The following SLC25A26 variants were observed in gnomAD, a reference collection of about 807,000 sequenced individuals.
SLC25A26 encodes solute carrier family 25 member 26, also known as mitochondrial S-adenosylmethionine carrier protein.
Under a neutral mutation model 37.8 loss-of-function variants are expected in SLC25A26, and 36 were observed. That is an observed-to-expected ratio of 0.95 (90% CI 0.73 to 1.26). The LOEUF is 1.26. Among genes scored for constraint, SLC25A26 ranks in the 50% most tolerant of loss-of-function variants. The pLI, the probability that SLC25A26 is intolerant of heterozygous loss-of-function variation, is 0.00. For missense variants in SLC25A26, 390 were observed against 331.1 expected, an observed-to-expected ratio of 1.18 and a Z score of -1.38; for synonymous variants, 129 against 122.5, an observed-to-expected ratio of 1.05 and a Z score of -0.35.
intron 5 of SLC25A26, among the ~76,000 whole-genome samples, chr3:66,333,433 T>C (rs1358330267): frequency 6.6e-6 from 1 of 152,206 alleles, no homozygotes; most frequent in Admixed American, 6.5e-5. Context: ...TAATCTACTA[T>C]ATGGTTTATT....
intron 1 of SLC25A26, among the ~76,000 whole-genome samples, chr3:66,210,148 T>C (rs1022617544): frequency 6.7e-6 from 1 of 149,442 alleles, no homozygotes; most frequent in African/African-American, 2.5e-5. Flanking sequence ...ATTCCAGCAA[T>C]TGAGCCTATA....
chr3:66,271,663 G>A (rs1000150012), intron 5 of SLC25A26, among the ~76,000 whole-genome samples: 2 of 152,068 alleles, frequency 1.3e-5, no homozygotes, highest in Admixed American at 6.6e-5. Flanking sequence ...TGGTACTACC[G>A]TTACTGAGTC....
chr3:66,211,055 T>C (rs2071278502), intron 1 of SLC25A26, among the ~76,000 whole-genome samples: 1 of 152,184 alleles, frequency 6.6e-6, no homozygotes, highest in Non-Finnish European at 1.5e-5. Context: ...CATGTCCTCT[T>C]GTAATTATTT....
intron 5 of SLC25A26, among the ~76,000 whole-genome samples, chr3:66,306,447 C>T (rs2075224316): frequency 1.3e-5 from 2 of 152,102 alleles, no homozygotes; most frequent in South Asian, 4.1e-4. Context: ...CCTTTGCCCA[C>T]TTTTTAATAG....
chr3:66,237,031 T>C (rs974687548), intron 2 of SLC25A26, among the ~76,000 whole-genome samples: 2 of 152,080 alleles, frequency 1.3e-5, no homozygotes, highest in Non-Finnish European at 2.9e-5. Flanking sequence ...GAGAATGGGT[T>C]TTGCCATGTT....
intron 1 of SLC25A26, among the ~76,000 whole-genome samples, chr3:66,160,732 C>T (rs978311583): frequency 1.3e-5 from 2 of 152,164 alleles, no homozygotes; most frequent in East Asian, 1.9e-4. Flanking sequence ...GTCAGGGGTT[C>T]GAGACCAGCC....
intron 1 of SLC25A26, among the ~76,000 whole-genome samples, chr3:66,174,716 G>A (rs191456643): frequency 3.4e-4 from 51 of 151,726 alleles, no homozygotes; most frequent in African/African-American, 1.2e-3. Flanking sequence ...AACCCGGGAG[G>A]TGGAGCTTGC....
intron 1 of SLC25A26, among the ~76,000 whole-genome samples, chr3:66,172,079 A>C (rs2070507789): frequency 6.6e-6 from 1 of 152,162 alleles, no homozygotes; most frequent in African/African-American, 2.4e-5. Flanking sequence ...GAGGAATCTT[A>C]TGTAGCAAAT....
chr3:66,221,971 A>G (rs932531772), intron 1 of SLC25A26, among the ~76,000 whole-genome samples: 2 of 151,996 alleles, frequency 1.3e-5, no homozygotes, highest in Non-Finnish European at 2.9e-5. Context: ...CATGGTGAAC[A>G]AGATAGACCT....
intron 9 of SLC25A26, among the ~76,000 whole-genome samples, chr3:66,372,675 G>C (rs565274085): frequency 6.8e-4 from 103 of 152,134 alleles, no homozygotes; most frequent in Non-Finnish European, 1.2e-3. Context: ...CGTCACTTAA[G>C]GGAGTTTTGA....
At chr3:66,284,365 C>G (rs2074440324) in intron 5 of SLC25A26, among the ~76,000 whole-genome samples, 1 of 152,214 alleles carries the variant, frequency 6.6e-6, no homozygotes, top group Admixed American at 6.5e-5. Context: ...AGTGCTGGAA[C>G]TCTAATCCAT....
intron 2 of SLC25A26, 53 bp downstream of exon 2, chr3:66,236,753 G>A (rs2072310588): frequency 1.4e-6 from 2 of 1,398,568 alleles, no homozygotes; most frequent in Non-Finnish European, 1.9e-6. Flanking sequence ...GGGATTTTCA[G>A]AATGGTGTGT....
chr3:66,153,069 C>T (rs1035131637), intron 1 of SLC25A26, among the ~76,000 whole-genome samples: 25 of 152,184 alleles, frequency 1.6e-4, no homozygotes, highest in African/African-American at 5.5e-4. Flanking sequence ...ACATACTTCT[C>T]ACTCCCCAGA....
At chr3:66,360,284 T>C (rs1033948055) in intron 6 of SLC25A26, among the ~76,000 whole-genome samples, 7 of 152,240 alleles carry the variant, frequency 4.6e-5, no homozygotes, top group African/African-American at 1.4e-4. Context: ...AAAGTCATTA[T>C]ACTTTTCTAA....
At chr3:66,249,034 A>G (rs902212739) in intron 3 of SLC25A26, among the ~76,000 whole-genome samples, 2 of 152,204 alleles carry the variant, frequency 1.3e-5, no homozygotes, top group African/African-American at 4.8e-5. Context: ...TCCCTACATA[A>G]TATTTTAGTA....
At chr3:66,306,215 C>A (rs1342197499) in intron 5 of SLC25A26, among the ~76,000 whole-genome samples, 1 of 152,162 alleles carries the variant, frequency 6.6e-6, no homozygotes, top group Non-Finnish European at 1.5e-5. Flanking sequence ...CTCCTGACCT[C>A]GTGATTCACC....
At chr3:66,162,845 T>C (rs138275903) in intron 1 of SLC25A26, among the ~76,000 whole-genome samples, 3,465 of 152,316 alleles carry the variant, frequency 0.023, 115 homozygotes, top group African/African-American at 0.079. Flanking sequence ...CTCTTTTGTA[T>C]AGATGCTCCC....
At chr3:66,292,063 T>G (rs1349743165) in intron 5 of SLC25A26, among the ~76,000 whole-genome samples, 3 of 152,216 alleles carry the variant, frequency 2.0e-5, no homozygotes, top group Non-Finnish European at 4.4e-5. Context: ...ATGCCCTTCT[T>G]TGTCTTTTTT....
At chr3:66,138,651 G>A (rs1337647599) in intron 1 of SLC25A26, among the ~76,000 whole-genome samples, 2 of 151,836 alleles carry the variant, frequency 1.3e-5, no homozygotes, top group Admixed American at 1.3e-4. Context: ...AGGGGGAGGG[G>A]GGGTAGGGAT....
Sources: allele counts gnomAD v4.1 joint callset (sites outside exome capture counted in the v4.1 genomes callset), GRCh38; gene constraint gnomAD v4.1.1; transcripts MANE v1.5; gene names NCBI Gene and HGNC (gene_info 2026-07-23, HGNC 2026-07-21).